Variants in SCARA5 observed in about 807,000 individuals in gnomAD.
SCARA5 encodes the protein scavenger receptor class A, member 5 (putative).
Under a neutral mutation model 46.3 loss-of-function variants are expected in SCARA5, and 45 were observed. The ratio of observed to expected loss-of-function variants is 0.97; its 90% CI spans 0.76 to 1.24. SCARA5 has a LOEUF of 1.24. Ranked by LOEUF, SCARA5 falls within the 50% of genes most tolerant of loss-of-function variation. The pLI is 0.00. For synonymous variants in SCARA5, 333 were observed against 306.5 expected (o/e 1.09, Z -0.90); for missense variants, 680 against 689.0 (o/e 0.99, Z 0.15).
chr8:27,897,037 A>G (rs1366098975), intron 7 of SCARA5, among the ~76,000 whole-genome samples: 3 of 152,006 alleles, frequency 2.0e-5, no homozygotes, highest in Non-Finnish European at 2.9e-5. Flanking sequence ...GGTTGCAGTG[A>G]GCAGAGATTG....
chr8:27,970,047 T>C (rs1808425870), intron 2 of SCARA5, among the ~76,000 whole-genome samples: 1 of 152,012 alleles, frequency 6.6e-6, no homozygotes, highest in Non-Finnish European at 1.5e-5. Context: ...GAAGTAATGG[T>C]GTGTCACTTC....
At chr8:27,934,050 A>C (rs1563531018) in intron 3 of SCARA5, among the ~76,000 whole-genome samples, 1 of 152,214 alleles carries the variant, frequency 6.6e-6, no homozygotes, top group African/African-American at 2.4e-5. Flanking sequence ...TTGGTTGTGT[A>C]ATAAACAGCA....
chr8:27,878,681 C>T (rs772672929), intron 8 of SCARA5, among the ~76,000 whole-genome samples: 15 of 152,212 alleles, frequency 9.9e-5, no homozygotes, highest in Non-Finnish European at 2.2e-4. Context: ...CAGAGTGGTT[C>T]AAATACAGAC....
intron 3 of SCARA5, among the ~76,000 whole-genome samples, chr8:27,953,838 A>T (rs909890255): frequency 6.6e-6 from 1 of 152,220 alleles, no homozygotes; most frequent in African/African-American, 2.4e-5. Context: ...ACACCCAAAA[A>T]AGGTTGAAGA....
At chr8:27,887,996 C>T (rs998054664) in intron 7 of SCARA5, among the ~76,000 whole-genome samples, 1 of 152,142 alleles carries the variant, frequency 6.6e-6, no homozygotes, top group African/African-American at 2.4e-5. Context: ...AAACCCAGAA[C>T]CAAATGGATT....
At chr8:27,951,714 C>T (rs1165080131) in intron 3 of SCARA5, among the ~76,000 whole-genome samples, 15 of 152,236 alleles carry the variant, frequency 9.9e-5, no homozygotes, top group Non-Finnish European at 2.2e-4. Context: ...AAGGAAAATC[C>T]TTCCTCTTCC....
At chr8:27,983,409 A>T (rs1337600502) in intron 2 of SCARA5, among the ~76,000 whole-genome samples, 3 of 152,172 alleles carry the variant, frequency 2.0e-5, no homozygotes, top group Non-Finnish European at 4.4e-5. Flanking sequence ...GGATTCCCAC[A>T]TGCCTCCTTG....
intron 8 of SCARA5, among the ~76,000 whole-genome samples, chr8:27,872,587 C>T (rs1806657117): frequency 6.6e-6 from 1 of 152,198 alleles, no homozygotes; most frequent in South Asian, 2.1e-4. Flanking sequence ...CCTTCCGCCA[C>T]CTCCTTGGAT....
At chr8:27,965,314 G>A (rs1461125141) in intron 3 of SCARA5, among the ~76,000 whole-genome samples, 2 of 152,206 alleles carry the variant, frequency 1.3e-5, no homozygotes, top group Non-Finnish European at 2.9e-5. Flanking sequence ...GTAAGGGCTG[G>A]ACCTCCAGAT....
chr8:27,916,801 T>G (rs940695243), intron 4 of SCARA5, among the ~76,000 whole-genome samples: 1 of 152,172 alleles, frequency 6.6e-6, no homozygotes, highest in Non-Finnish European at 1.5e-5. Context: ...ACTGTCGAAC[T>G]GTGAAGAGCC....
intron 7 of SCARA5, among the ~76,000 whole-genome samples, chr8:27,895,489 C>A (rs2129718513): frequency 6.6e-6 from 1 of 152,372 alleles, no homozygotes; most frequent in Admixed American, 6.5e-5. Flanking sequence ...TAATGCCAAT[C>A]TGCTCTTAAT....
At chr8:27,986,510 T>C (rs1808707237) in intron 2 of SCARA5, among the ~76,000 whole-genome samples, 1 of 152,118 alleles carries the variant, frequency 6.6e-6, no homozygotes, top group Admixed American at 6.5e-5. Flanking sequence ...TGTTTGTCAA[T>C]TGGAATCCAG....
chr8:27,884,339 A>C (rs957608619), intron 7 of SCARA5, among the ~76,000 whole-genome samples: 10 of 152,230 alleles, frequency 6.6e-5, no homozygotes, highest in Admixed American at 1.3e-4. Flanking sequence ...TGGGTCTGAC[A>C]CCAAGAAACT....
At chr8:27,885,808 T>C (rs1806886220) in intron 7 of SCARA5, among the ~76,000 whole-genome samples, 1 of 152,226 alleles carries the variant, frequency 6.6e-6, no homozygotes, top group Admixed American at 6.5e-5. Context: ...CAGATGATCA[T>C]GGTGGGTGCA....
chr8:27,912,687 G>A (rs576271617), intron 4 of SCARA5, among the ~76,000 whole-genome samples: 2 of 152,184 alleles, frequency 1.3e-5, no homozygotes, highest in Admixed American at 6.5e-5. Context: ...CCACCACCCC[G>A]GGTGCTCCAG....
chr8:27,892,808 G>A (rs111920252), intron 7 of SCARA5, among the ~76,000 whole-genome samples: 8,710 of 152,062 alleles, frequency 0.057, 327 homozygotes, highest in Non-Finnish European at 0.085. Context: ...GGGTTTCACC[G>A]TGTTAGACAG....
At chr8:27,897,360 C>A (rs1807080535) in intron 7 of SCARA5, among the ~76,000 whole-genome samples, 1 of 152,204 alleles carries the variant, frequency 6.6e-6, no homozygotes, top group Admixed American at 6.5e-5. Flanking sequence ...AGGACGATTC[C>A]CAAGTTTGTT....
intron 3 of SCARA5, among the ~76,000 whole-genome samples, chr8:27,932,974 G>A (rs1436420816): frequency 2.0e-5 from 3 of 152,122 alleles, no homozygotes; most frequent in Admixed American, 2.0e-4. Context: ...ATGGGATCAG[G>A]GCCCTCCCTT....
chr8:27,905,370 G>A (rs1347641333), intron 6 of SCARA5, among the ~76,000 whole-genome samples: 2 of 151,916 alleles, frequency 1.3e-5, no homozygotes, highest in African/African-American at 4.8e-5. Flanking sequence ...AGAAAATCCT[G>A]GCACCACTCA....
Sources: allele counts gnomAD v4.1 joint callset (sites outside exome capture counted in the v4.1 genomes callset), GRCh38; gene constraint gnomAD v4.1.1; transcripts MANE v1.5; gene names NCBI Gene and HGNC (gene_info 2026-07-23, HGNC 2026-07-21).